CA10: variants seen among roughly 807,000 people sequenced by gnomAD.
CA10 encodes the protein carbonic anhydrase 10 (inactive), also known as carbonic anhydrase-related protein 10.
Under a neutral mutation model 44.2 loss-of-function variants are expected in CA10, and 14 were observed. That is an observed-to-expected ratio of 0.32 (90% CI 0.21 to 0.50). The LOEUF is 0.50. Among genes scored for constraint, CA10 ranks in the 20% least tolerant of loss-of-function variants. The pLI is 0.99. For synonymous variants in CA10, 159 were observed against 141.6 expected (o/e 1.12, Z -0.87); for missense variants, 350 against 409.7 (o/e 0.85, Z 1.26).
chr17:52,103,598 C>G (rs1263383017), intron 1 of CA10, among the ~76,000 whole-genome samples: 1 of 152,160 alleles, frequency 6.6e-6, no homozygotes, highest in Non-Finnish European at 1.5e-5. Context: ...TGCTAGCTTC[C>G]CTACTGGATT....
intron 3 of CA10, among the ~76,000 whole-genome samples, chr17:51,841,950 C>T (rs1978323662): frequency 6.6e-6 from 1 of 152,178 alleles, no homozygotes; most frequent in Admixed American, 6.5e-5. Flanking sequence ...TTTCCTTCTG[C>T]CTCTTTTTAA....
At chr17:51,942,315 C>T (rs1342204683) in intron 2 of CA10, among the ~76,000 whole-genome samples, 1 of 151,992 alleles carries the variant, frequency 6.6e-6, no homozygotes, top group African/African-American at 2.4e-5. Context: ...AACTGGTCAC[C>T]AAAGATGGAA....
chr17:51,809,209 A>G (rs1243269869), intron 3 of CA10, among the ~76,000 whole-genome samples: 1 of 152,188 alleles, frequency 6.6e-6, no homozygotes, highest in Non-Finnish European at 1.5e-5. Flanking sequence ...GACCCTTGAA[A>G]TCAGTTTTCT....
chr17:51,835,747 AT>A (rs929483173), intron 3 of CA10, among the ~76,000 whole-genome samples: 3 of 152,246 alleles, frequency 2.0e-5, no homozygotes, highest in Non-Finnish European at 4.4e-5. Context: ...TTATAAAAAA[AT>A]AACATATAAC....
chr17:51,729,903 G>T (rs771959810), intron 4 of CA10, among the ~76,000 whole-genome samples: 5 of 152,322 alleles, frequency 3.3e-5, no homozygotes, highest in African/African-American at 7.2e-5. Flanking sequence ...AATGGCCAAT[G>T]AATCAGCATA....
chr17:52,042,694 TC>T (rs1986805519), intron 2 of CA10, among the ~76,000 whole-genome samples: 1 of 152,004 alleles, frequency 6.6e-6, no homozygotes, highest in Non-Finnish European at 1.5e-5. Context: ...CAAGGAGCTT[TC>T]CCCCTATGTT....
At chr17:51,824,245 A>T (rs1169840692) in intron 3 of CA10, among the ~76,000 whole-genome samples, 4 of 152,218 alleles carry the variant, frequency 2.6e-5, no homozygotes, top group Non-Finnish European at 5.9e-5. Context: ...TAACGTATTC[A>T]GGATGTGGCT....
intron 1 of CA10, among the ~76,000 whole-genome samples, chr17:52,086,538 C>T (rs1192052525): frequency 6.6e-6 from 1 of 152,154 alleles, no homozygotes; most frequent in East Asian, 1.9e-4. Context: ...TTTAATACAA[C>T]TAAATGTAAA....
chr17:51,925,942 G>T (rs1256477731), intron 3 of CA10, among the ~76,000 whole-genome samples: 1 of 152,110 alleles, frequency 6.6e-6, no homozygotes, highest in African/African-American at 2.4e-5. Context: ...GAGGGGGATG[G>T]AAAATGGGGA....
Position 52,040,145 on chromosome 17 carries a change from CT to C in CA10, c.136+32173del, listed in dbSNP as rs200635464. Among the ~76,000 whole-genome samples the C allele has an allele frequency of 4.4e-3, 609 of 138,964 alleles. 4 individuals are homozygous for C. The highest frequency in any genetic ancestry group is 0.011 in the African/African-American group (414 of 37,844). The allele number at this position is 138,964 out of a possible 152,430, so 91.2% of individuals were successfully genotyped here. ...ATCCCCTTTTTCCTTTCTTTTTTTT[CT>C]TTTTTTTTTTTTTGGAGTCATTCTC... is the stretch of plus-strand genomic sequence containing the variant. On this transcript the variant is annotated intron_variant, in intron 2 of 8. Transcript: ENST00000451037.
chr17:51,911,027 C>T (rs962713526), intron 3 of CA10, among the ~76,000 whole-genome samples: 3 of 152,172 alleles, frequency 2.0e-5, no homozygotes, highest in African/African-American at 7.2e-5. Flanking sequence ...GGTGATAATG[C>T]ACCTTGGCTA....
intron 3 of CA10, among the ~76,000 whole-genome samples, chr17:51,797,356 ACGCGTGCACG>A (rs1906751698): frequency 6.6e-6 from 1 of 152,214 alleles, no homozygotes; most frequent in Non-Finnish European, 1.5e-5. Flanking sequence ...GCGCGCACGC[ACGCGTGCACG>A]CACACACGCA....
chr17:52,115,924 T>A (rs538757582), intron 1 of CA10, among the ~76,000 whole-genome samples: 2 of 152,300 alleles, frequency 1.3e-5, no homozygotes, highest in East Asian at 1.9e-4. Context: ...AAACTCTGTC[T>A]CTACTAAAAA....
At chr17:51,670,461 T>C (rs545358496) in intron 4 of CA10, among the ~76,000 whole-genome samples, 7 of 152,010 alleles carry the variant, frequency 4.6e-5, no homozygotes, top group Non-Finnish European at 8.8e-5. Context: ...TGTGGGGAGC[T>C]TCCCTGATTG....
At chr17:51,735,941 C>T (rs1331224958) in intron 4 of CA10, among the ~76,000 whole-genome samples, 1 of 151,574 alleles carries the variant, frequency 6.6e-6, no homozygotes, top group East Asian at 1.9e-4. Flanking sequence ...GAGGGAAGGA[C>T]TACAGAAGAA....
intron 5 of CA10, among the ~76,000 whole-genome samples, chr17:51,653,387 C>G (rs9899154): frequency 0.11 from 16,790 of 152,142 alleles, 1,460 homozygotes; most frequent in African/African-American, 0.24. Flanking sequence ...ATCTAGCCCC[C>G]TTTTTCTTTC....
intron 2 of CA10, among the ~76,000 whole-genome samples, chr17:51,938,182 A>C (rs1400891346): frequency 6.6e-6 from 1 of 152,180 alleles, no homozygotes; most frequent in Non-Finnish European, 1.5e-5. Flanking sequence ...GCTACTTCAC[A>C]GAGCTGTTGG....
At chr17:51,692,416 T>TATCTA (rs1398326830) in intron 4 of CA10, among the ~76,000 whole-genome samples, 1 of 125,300 alleles carries the variant, frequency 8.0e-6, no homozygotes, top group African/African-American at 2.6e-5. Context: ...TCTATCTATC[T>TATCTA]ATCTATCTAT....
chr17:51,678,587 T>A (rs1914712843), intron 4 of CA10, among the ~76,000 whole-genome samples: 1 of 152,186 alleles, frequency 6.6e-6, no homozygotes, highest in African/African-American at 2.4e-5. Context: ...TAACTTGGCC[T>A]TGCTGGTCCA....
Sources: allele counts gnomAD v4.1 joint callset (sites outside exome capture counted in the v4.1 genomes callset), GRCh38; gene constraint gnomAD v4.1.1; transcripts MANE v1.5; gene names NCBI Gene and HGNC (gene_info 2026-07-23, HGNC 2026-07-21).